The following DLGAP2 variants were observed in gnomAD, a reference collection of about 807,000 sequenced individuals.
DLGAP2 encodes disks large-associated protein 2.
In DLGAP2, 26 loss-of-function variants were observed where a neutral mutation model predicts 100.3. The observed-to-expected ratio is 0.26, with a 90% CI of 0.19 to 0.36. DLGAP2 has a LOEUF of 0.36. DLGAP2 is among the 10% of genes least tolerant of loss of function. The pLI, the probability that DLGAP2 is intolerant of heterozygous loss-of-function variation, is 1.00. For missense variants in DLGAP2, 1,858 were observed against 1,453.2 expected (o/e 1.28, Z -4.53); for synonymous variants, 886 against 630.1 (o/e 1.41, Z -6.08).
intron 1 of DLGAP2, among the ~76,000 whole-genome samples, chr8:810,322 G>A (rs1796348678): frequency 6.6e-6 from 1 of 152,138 alleles, no homozygotes; most frequent in Non-Finnish European, 1.5e-5. Context: ...GCTTCATATT[G>A]TTTTAGTCAT....
intron 4 of DLGAP2, among the ~76,000 whole-genome samples, chr8:1,502,819 A>G (rs1799768552): frequency 6.6e-6 from 1 of 152,182 alleles, no homozygotes; most frequent in African/African-American, 2.4e-5. Flanking sequence ...AGTTGTGTCT[A>G]TTCCAGTTCT....
intron 2 of DLGAP2, among the ~76,000 whole-genome samples, chr8:984,352 C>T (rs1584947133): frequency 1.3e-5 from 2 of 152,130 alleles, no homozygotes; most frequent in African/African-American, 2.4e-5. Context: ...CATTTTTGCT[C>T]AGTCCATAAA....
intron 1 of DLGAP2, among the ~76,000 whole-genome samples, chr8:783,689 C>T (rs905069591): frequency 7.2e-5 from 11 of 152,088 alleles, no homozygotes; most frequent in African/African-American, 2.7e-4. Context: ...TGCGTCTTTG[C>T]CTACTGTGTT....
chr8:1,351,393 AGTGT>A (rs1801721512), intron 3 of DLGAP2, among the ~76,000 whole-genome samples: 1 of 31,832 alleles, frequency 3.1e-5, no homozygotes, highest in Non-Finnish European at 6.1e-5. Flanking sequence ...GCGGGTCCTG[AGTGT>A]GTGTGGATAG....
intron 3 of DLGAP2, among the ~76,000 whole-genome samples, chr8:1,345,240 G>T (rs1000112190): frequency 1.3e-5 from 2 of 151,836 alleles, no homozygotes; most frequent in East Asian, 3.8e-4. Flanking sequence ...TGCAGGCTCA[G>T]TTCCTTCAGG....
At chr8:1,438,435 T>C (rs1797715537) in intron 3 of DLGAP2, among the ~76,000 whole-genome samples, 1 of 152,094 alleles carries the variant, frequency 6.6e-6, no homozygotes, top group Non-Finnish European at 1.5e-5. Flanking sequence ...AAGAATAAAA[T>C]TGCTAATTTA....
intron 2 of DLGAP2, among the ~76,000 whole-genome samples, chr8:1,103,091 T>C (rs908248617): frequency 9.2e-5 from 14 of 151,396 alleles, no homozygotes; most frequent in Non-Finnish European, 1.8e-4. Context: ...TTTCTGGGGG[T>C]CTCTGAGGTT....
At chr8:1,031,190 C>T (rs139517066) in intron 2 of DLGAP2, among the ~76,000 whole-genome samples, 53 of 152,168 alleles carry the variant, frequency 3.5e-4, no homozygotes, top group Admixed American at 1.7e-3. Flanking sequence ...AATACGTACA[C>T]ACTCAGTGTC....
At chr8:782,436 A>G (rs1268789754) in intron 1 of DLGAP2, among the ~76,000 whole-genome samples, 1 of 152,184 alleles carries the variant, frequency 6.6e-6, no homozygotes, top group Non-Finnish European at 1.5e-5. Context: ...GAATACCTAA[A>G]TATTATAATG....
chr8:1,056,193 C>G (rs1299245370), intron 2 of DLGAP2, among the ~76,000 whole-genome samples: 1 of 152,186 alleles, frequency 6.6e-6, no homozygotes, highest in Non-Finnish European at 1.5e-5. Context: ...CTGGTTATAA[C>G]TTTTGATCAA....
rs1334276733 is a variant in DLGAP2, at chr8:1,702,996, C to A, written c.*1590C>A. 6.6e-6 allele frequency: 1 copy of A among 152,542 alleles called. No individual in the cohort carries two copies. Among genetic ancestry groups the A allele is most frequent in the Non-Finnish European group, 1.5e-5 (1 of 68,102 alleles). 9.4% of individuals were successfully genotyped at this position (152,542 alleles called of 1,614,324 possible). A position where few individuals can be genotyped will look rare whatever the true frequency, so the allele number is the denominator to read the frequency against. On this transcript the variant is annotated 3_prime_UTR_variant, in exon 15 of 15. Coordinates refer to ENST00000637795, the MANE Select transcript of DLGAP2 (RefSeq NM_001346810.2). ...TTGCACTTTACAATGTCCCCAGCCC[C>A]TCTGCAGCCCGTGGCTGGCAGGGCG...
intron 2 of DLGAP2, among the ~76,000 whole-genome samples, chr8:985,096 A>G (rs774178078): frequency 1.1e-4 from 17 of 152,346 alleles, no homozygotes; most frequent in Non-Finnish European, 2.1e-4. Context: ...CCACGTAGTC[A>G]TATCTTGACA....
At position 1,532,930 on chromosome 8, in the gene DLGAP2, C is replaced by T. The variant is rs774828006; in HGVS notation, c.173-15696C>T. Among the ~76,000 whole-genome samples the T allele has an allele frequency of 5.3e-5, 8 of 152,230 alleles. No homozygotes were observed. The South Asian group carries it at 1.0e-3, about 20-fold the overall frequency. ...CTGCCTTTCCACCTGCCGAGCACCA[C>T]GTATGCCCCACGGTGAAATCACACC... On this transcript the variant is annotated intron_variant, in intron 4 of 14. Transcript: ENST00000637795.
At chr8:1,317,673 G>A (rs371609435) in intron 3 of DLGAP2, among the ~76,000 whole-genome samples, 18 of 136,676 alleles carry the variant, frequency 1.3e-4, no homozygotes, top group East Asian at 1.3e-3. Context: ...GAGCGTGTGC[G>A]AGTGCAGCGT....
At chr8:1,570,214 G>T (rs1358817700) in intron 6 of DLGAP2, among the ~76,000 whole-genome samples, 1 of 152,200 alleles carries the variant, frequency 6.6e-6, no homozygotes, top group African/African-American at 2.4e-5. Flanking sequence ...ACACATCCAT[G>T]TGCCGTCTTC....
chr8:1,214,764 A>G (rs1375027821), intron 2 of DLGAP2, among the ~76,000 whole-genome samples: 1 of 152,256 alleles, frequency 6.6e-6, no homozygotes, highest in Non-Finnish European at 1.5e-5. Context: ...GAATGAATGC[A>G]TAAATATTTT....
chr8:1,031,642 C>T lies in DLGAP2; in HGVS notation c.73+123676C>T, dbSNP rs538718238. ...CCCAAGCCGGTTGTGAAACTTCTTGCACTTTATAAAGTGACAGGATTAAAT... is the reference window on the plus strand; with the variant it reads ...CCCAAGCCGGTTGTGAAACTTCTTGTACTTTATAAAGTGACAGGATTAAAT... On this transcript the variant is annotated intron_variant, in intron 2 of 14. Coordinates refer to ENST00000637795, the MANE Select transcript of DLGAP2 (RefSeq NM_001346810.2). 2.5e-3 allele frequency among the ~76,000 whole-genome samples: 385 copies of T among 152,166 alleles called. 1 individual carries two copies. The highest frequency in any genetic ancestry group is 3.6e-3 in the Non-Finnish European group (245 of 68,018).
rs180703195 is a variant in DLGAP2 at position 1,097,415 on chromosome 8, G to A, written c.74-161436G>A. Among the ~76,000 whole-genome samples the A allele has an allele frequency of 4.1e-3, 520 of 126,722 alleles. 22 individuals carry two copies. Among genetic ancestry groups the A allele is most frequent in the African/African-American group, 0.015 (480 of 31,652 alleles). 83.1% of individuals were successfully genotyped at this position (126,722 alleles called of 152,430 possible). Reference sequence around the variant, plus strand: ...GGCAGGCCTTCACCCTCTGTGGCATGGAGAGGACCCCTCCAGCGTGAGACC... The same window carrying A: ...GGCAGGCCTTCACCCTCTGTGGCATAGAGAGGACCCCTCCAGCGTGAGACC... On this transcript the variant is annotated intron_variant, in intron 2 of 14. Transcript: ENST00000637795.
chr8:1,191,008 G>C (rs1403419113), intron 2 of DLGAP2, among the ~76,000 whole-genome samples: 1 of 152,182 alleles, frequency 6.6e-6, no homozygotes, highest in Non-Finnish European at 1.5e-5. Flanking sequence ...GGTCAGGGGA[G>C]CTAAGGGACC....
Sources: allele counts gnomAD v4.1 joint callset (sites outside exome capture counted in the v4.1 genomes callset), GRCh38; gene constraint gnomAD v4.1.1; transcripts MANE v1.5; gene names NCBI Gene and HGNC (gene_info 2026-07-23, HGNC 2026-07-21).